The following CEP63 variants were observed in gnomAD, a reference collection of about 807,000 sequenced individuals.
CEP63 encodes the protein centrosomal protein 63.
CEP63 carries 84 observed loss-of-function variants against 89.1 expected under a neutral mutation model. That is an observed-to-expected ratio of 0.94 (90% CI 0.79 to 1.13). The LOEUF (loss-of-function observed/expected upper bound fraction) is 1.13, where lower values mean the gene tolerates loss of function less well. CEP63 is among the 50% of genes most tolerant of loss of function. The probability of loss-of-function intolerance (pLI) is 0.00; values close to 1 mark genes in which losing one functional copy is unlikely to be tolerated. For missense variants in CEP63, 838 were observed against 813.3 expected (o/e 1.03, Z -0.37); for synonymous variants, 267 against 272.5 (o/e 0.98, Z 0.20).
intron 5 of CEP63, chr3:134,536,812 T>C (rs1298538398): frequency 9.1e-6 from 3 of 331,124 alleles, no homozygotes; most frequent in Non-Finnish European, 1.8e-5. Context: ...ATTTTAGTTA[T>C]CTTAGCATCA....
At chr3:134,628,735 G>A in the CEP63 span, among the ~76,000 whole-genome samples, 2 of 152,222 alleles carry the variant, frequency 1.3e-5, no homozygotes, top group South Asian at 4.2e-4. Context: ...ATCTTATGAG[G>A]CAGATTCGCT....
chr3:134,636,699 CTTAT>C, the CEP63 span, among the ~76,000 whole-genome samples: 1 of 152,210 alleles, frequency 6.6e-6, no homozygotes, highest in African/African-American at 2.4e-5. Flanking sequence ...CTCGTAAATG[CTTAT>C]TGTCTAAAGC....
At chr3:134,638,023 G>A in the CEP63 span, among the ~76,000 whole-genome samples, 2 of 152,194 alleles carry the variant, frequency 1.3e-5, no homozygotes, top group Admixed American at 6.5e-5. Flanking sequence ...CCACTTCCCG[G>A]TTCTCCCCCA....
chr3:134,552,643 T>C (rs1009264431), intron 12 of CEP63: 1 of 152,040 alleles, frequency 6.6e-6, no homozygotes, highest in African/African-American at 2.4e-5. Context: ...TCCTAGATGG[T>C]GGTATTATTA....
the CEP63 span, among the ~76,000 whole-genome samples, chr3:134,725,117 G>C: frequency 3.3e-5 from 5 of 152,096 alleles, no homozygotes; most frequent in African/African-American, 1.2e-4. Context: ...ATAGAGGCAT[G>C]TCAGGCAATG....
At chr3:134,556,262 A>G (rs1956142874) in intron 12 of CEP63, among the ~76,000 whole-genome samples, 1 of 152,086 alleles carries the variant, frequency 6.6e-6, no homozygotes, top group Admixed American at 6.6e-5. Context: ...ACAAAAGCCA[A>G]AATTGACAAA....
chr3:134,718,218 A>T, the CEP63 span, among the ~76,000 whole-genome samples: 1 of 152,208 alleles, frequency 6.6e-6, no homozygotes, highest in Non-Finnish European at 1.5e-5. Context: ...CACCCTTGGG[A>T]AGGAGACACA....
At chr3:134,611,491 A>G in the CEP63 span, among the ~76,000 whole-genome samples, 1 of 152,248 alleles carries the variant, frequency 6.6e-6, no homozygotes, top group Non-Finnish European at 1.5e-5. Context: ...GGGACATCCC[A>G]TGCTAGCCCT....
At chr3:134,558,111 AT>A in intron 12 of CEP63, 30 bp from the exon 13 acceptor site, 1 of 1,557,896 alleles carries the variant, frequency 6.4e-7, no homozygotes, top group Non-Finnish European at 8.9e-7. Flanking sequence ...TCTTGTACAG[AT>A]TAAGTGACTC....
chr3:134,611,125 A>T, the CEP63 span, among the ~76,000 whole-genome samples: 2 of 152,160 alleles, frequency 1.3e-5, no homozygotes, highest in Non-Finnish European at 2.9e-5. Flanking sequence ...CCTGGCCACA[A>T]TTCTGGAGTC....
chr3:134,490,182 TAAAA>T (rs903040524), intron 1 of CEP63, among the ~76,000 whole-genome samples: 2 of 151,928 alleles, frequency 1.3e-5, no homozygotes, highest in African/African-American at 4.8e-5. Context: ...TATTATATAT[TAAAA>T]AAAACACAAA....
At chr3:134,727,215 T>A in the CEP63 span, among the ~76,000 whole-genome samples, 1 of 152,200 alleles carries the variant, frequency 6.6e-6, no homozygotes, top group Admixed American at 6.5e-5. Context: ...GCTCCCAGGA[T>A]GGCAAAGAAG....
chr3:134,619,711 G>A, the CEP63 span, among the ~76,000 whole-genome samples: 12 of 152,382 alleles, frequency 7.9e-5, no homozygotes, highest in African/African-American at 2.9e-4. Context: ...CTAAGGAGGG[G>A]ATGAAGACAT....
chr3:134,751,392 T>C, the CEP63 span, among the ~76,000 whole-genome samples: 1 of 152,248 alleles, frequency 6.6e-6, no homozygotes, highest in African/African-American at 2.4e-5. Flanking sequence ...TATGAGTATA[T>C]GCCTATAGGC....
In CEP63 at chr3:134,561,744, G is replaced by A; in HGVS notation, c.*209G>A. ...AAAGGACTTCTTCCAGCAATAAGTTGAAAGAATAAACCACTTTGCTAGACT... is the reference window on the plus strand; with the variant it reads ...AAAGGACTTCTTCCAGCAATAAGTTAAAAGAATAAACCACTTTGCTAGACT... On this transcript the variant is annotated 3_prime_UTR_variant, in exon 15 of 15. Coordinates refer to ENST00000675561, the MANE Select transcript of CEP63 (RefSeq NM_001353108.3). 1 of 1,383,934 alleles carries A rather than the reference G, an allele frequency of 7.2e-7. No homozygotes were observed. The highest frequency in any genetic ancestry group is 1.6e-5 in the South Asian group (1 of 62,664). The allele number at this position is 1,383,934 out of a possible 1,614,324, so 85.7% of individuals were successfully genotyped here. A position where few individuals can be genotyped will look rare whatever the true frequency, so the allele number is the denominator to read the frequency against.
intron 3 of CEP63, among the ~76,000 whole-genome samples, chr3:134,526,460 A>G (rs986054567): frequency 5.9e-5 from 9 of 151,982 alleles, no homozygotes; most frequent in African/African-American, 1.7e-4. Flanking sequence ...GGTTGCTTAC[A>G]TTCTTCTCTA....
chr3:134,655,648 C>T, the CEP63 span, among the ~76,000 whole-genome samples: 2 of 152,166 alleles, frequency 1.3e-5, no homozygotes, highest in Non-Finnish European at 2.9e-5. Context: ...AACACCTGCC[C>T]CCCTACCCTA....
At chr3:134,721,033 C>T in the CEP63 span, among the ~76,000 whole-genome samples, 1 of 152,038 alleles carries the variant, frequency 6.6e-6, no homozygotes, top group Non-Finnish European at 1.5e-5. Flanking sequence ...ATAGGTATTG[C>T]ATTGAATCTG....
the CEP63 span, among the ~76,000 whole-genome samples, chr3:134,670,702 C>T: frequency 6.6e-6 from 1 of 152,166 alleles, no homozygotes; most frequent in Non-Finnish European, 1.5e-5. Context: ...AAGTGTATAC[C>T]TCATGAACCA....
Sources: allele counts gnomAD v4.1 joint callset (sites outside exome capture counted in the v4.1 genomes callset), GRCh38; gene constraint gnomAD v4.1.1; transcripts MANE v1.5; gene names NCBI Gene and HGNC (gene_info 2026-07-23, HGNC 2026-07-21).